UBAC2: variants seen among roughly 807,000 people sequenced by gnomAD.
UBAC2 encodes ubiquitin-associated domain-containing protein 2.
A neutral mutation model predicts 44.0 loss-of-function variants in UBAC2; 26 were observed. That is an observed-to-expected ratio of 0.59 (90% CI 0.43 to 0.82). UBAC2 has a LOEUF of 0.82. Among genes scored for constraint, UBAC2 ranks in the 40% least tolerant of loss-of-function variants. The pLI is 0.00. For synonymous variants in UBAC2, 155 were observed against 154.3 expected, an observed-to-expected ratio of 1.00 and a Z score of -0.04; for missense variants, 329 against 419.4, an observed-to-expected ratio of 0.78 and a Z score of 1.88.
At chr13:99,243,228 TAGC>T in intron 2 of UBAC2, among the ~76,000 whole-genome samples, 1 of 146,946 alleles carries the variant, frequency 6.8e-6, no homozygotes, top group Non-Finnish European at 1.5e-5. Context: ...GGCCTTTGAG[TAGC>T]TCTTTTTTTT....
At chr13:99,368,980 G>A (rs1453958710) in intron 8 of UBAC2, among the ~76,000 whole-genome samples, 1 of 152,100 alleles carries the variant, frequency 6.6e-6, no homozygotes, top group Non-Finnish European at 1.5e-5. Flanking sequence ...AGCCAGCTGC[G>A]GGATCCCACT....
At chr13:99,322,452 T>A (rs2044580809) in intron 6 of UBAC2, among the ~76,000 whole-genome samples, 1 of 152,328 alleles carries the variant, frequency 6.6e-6, no homozygotes, top group South Asian at 2.1e-4. Flanking sequence ...TCTGGCATGA[T>A]TAAAATAGAA....
intron 4 of UBAC2, among the ~76,000 whole-genome samples, chr13:99,310,777 A>T (rs546448887): frequency 6.6e-6 from 1 of 152,340 alleles, no homozygotes; most frequent in African/African-American, 2.4e-5. Context: ...TTGAAATGTA[A>T]CCTCAAAAAA....
At chr13:99,325,626 C>T (rs966992315) in intron 6 of UBAC2, among the ~76,000 whole-genome samples, 2 of 152,090 alleles carry the variant, frequency 1.3e-5, no homozygotes, top group African/African-American at 2.4e-5. Flanking sequence ...GGTTGTGCAG[C>T]GAATCTCTGG....
intron 7 of UBAC2, among the ~76,000 whole-genome samples, chr13:99,356,600 T>G (rs2138869246): frequency 6.6e-6 from 1 of 152,318 alleles, no homozygotes; most frequent in Admixed American, 6.5e-5. Context: ...GGGACTTTGT[T>G]CAAGCGATCA....
chr13:99,340,735 T>C (rs1268929889), intron 7 of UBAC2, among the ~76,000 whole-genome samples, 170 bp downstream of exon 7: 1 of 152,218 alleles, frequency 6.6e-6, no homozygotes, highest in Non-Finnish European at 1.5e-5. Flanking sequence ...ATTCTTAGTT[T>C]TTTAAAAAGG....
At chr13:99,254,954 G>A in intron 4 of UBAC2, 1 of 1,614,042 alleles carries the variant, frequency 6.2e-7, no homozygotes, top group South Asian at 1.1e-5. Context: ...ATGCTTCGAA[G>A]GTAATTACGG....
chr13:99,257,632 A>G (rs2043588029), intron 4 of UBAC2, among the ~76,000 whole-genome samples: 1 of 152,228 alleles, frequency 6.6e-6, no homozygotes, highest in Admixed American at 6.5e-5. Context: ...TTGGATAAAT[A>G]TTGAAAAGTG....
chr13:99,239,134 CT>C (rs1274077471), intron 2 of UBAC2, among the ~76,000 whole-genome samples: 7 of 152,212 alleles, frequency 4.6e-5, no homozygotes, highest in Non-Finnish European at 1.0e-4. Flanking sequence ...GCTACCCTTT[CT>C]TTGCTAAGCA....
At chr13:99,242,115 GAA>G (rs1328874391) in intron 2 of UBAC2, among the ~76,000 whole-genome samples, 1 of 152,000 alleles carries the variant, frequency 6.6e-6, no homozygotes, top group East Asian at 1.9e-4. Flanking sequence ...AGAACAAAAT[GAA>G]AAGTCTCCCA....
intron 6 of UBAC2, among the ~76,000 whole-genome samples, chr13:99,328,684 G>C (rs1372272552): frequency 1.1e-4 from 17 of 151,482 alleles, no homozygotes; most frequent in Admixed American, 1.1e-3. Flanking sequence ...TTTGTTCATT[G>C]GGCTATTTAT....
At chr13:99,352,199 T>A (rs920138277) in intron 7 of UBAC2, among the ~76,000 whole-genome samples, 1 of 152,236 alleles carries the variant, frequency 6.6e-6, no homozygotes, top group Non-Finnish European at 1.5e-5. Flanking sequence ...TAGCAGCTGA[T>A]GGAATTCACA....
intron 1 of UBAC2, among the ~76,000 whole-genome samples, chr13:99,206,770 T>A (rs1454122671): frequency 6.6e-6 from 1 of 152,232 alleles, no homozygotes; most frequent in Non-Finnish European, 1.5e-5. Context: ...CATCTCCCTA[T>A]GCTACCTCTA....
At chr13:99,363,324 CTTCAAG>C (rs2045290038) in intron 7 of UBAC2, among the ~76,000 whole-genome samples, 3 of 152,198 alleles carry the variant, frequency 2.0e-5, no homozygotes, top group Admixed American at 2.0e-4. Context: ...TGAGCTTTAA[CTTCAAG>C]TAGTCTAGTC....
At chr13:99,241,784 C>G (rs1216538116) in intron 2 of UBAC2, among the ~76,000 whole-genome samples, 1 of 140,644 alleles carries the variant, frequency 7.1e-6, no homozygotes, top group Non-Finnish European at 1.5e-5. Context: ...GTTTCTCGCA[C>G]AGGGGGATTT....
At chr13:99,374,341 G>A (rs1180058705) in intron 8 of UBAC2, among the ~76,000 whole-genome samples, 1 of 152,132 alleles carries the variant, frequency 6.6e-6, no homozygotes, top group Non-Finnish European at 1.5e-5. Flanking sequence ...CTTCCTTAAA[G>A]TTTCAATTTG....
rs1207169327 is a variant in UBAC2, at chr13:99,351,787, G to A, written c.807+11222G>A. On this transcript the variant is annotated intron_variant, in intron 7 of 8. Transcript: ENST00000403766. ...GCCAAGTGGGACATTTGGCAGCAAA[G>A]CCCAGGAGTCCTTGGTGCTCTTCTT... The A allele has an allele frequency of 6.6e-6, 3 of 456,728 alleles. No homozygotes were observed. The East Asian group carries it at 2.1e-4, about 32-fold the overall frequency. 28.3% of individuals were successfully genotyped at this position (456,728 alleles called of 1,614,324 possible).
intron 4 of UBAC2, among the ~76,000 whole-genome samples, chr13:99,251,133 T>C (rs143811198): frequency 5.4e-4 from 83 of 152,300 alleles, no homozygotes; most frequent in African/African-American, 1.9e-3. Context: ...CCTAGGTATC[T>C]TTTTGTGTGT....
chr13:99,326,491 C>T (rs999094242), intron 6 of UBAC2, among the ~76,000 whole-genome samples: 1 of 152,152 alleles, frequency 6.6e-6, no homozygotes, highest in African/African-American at 2.4e-5. Flanking sequence ...CTACTTGATA[C>T]ACATTCTAAA....
Sources: gnomAD v4.1 joint callset for allele counts (sites outside exome capture counted in the v4.1 genomes callset) on GRCh38, gnomAD v4.1.1 for gene constraint, MANE v1.5 for transcripts, NCBI Gene and HGNC (gene_info 2026-07-23, HGNC 2026-07-21) for gene names.